The following OSBP2 variants were observed in gnomAD, a reference collection of about 807,000 sequenced individuals.
The protein encoded by OSBP2 is oxysterol-binding protein 2.
Under a neutral mutation model 96.0 loss-of-function variants are expected in OSBP2, and 66 were observed. The ratio of observed to expected loss-of-function variants is 0.69; its 90% confidence interval spans 0.56 to 0.84. The LOEUF (loss-of-function observed/expected upper bound fraction) is 0.84, where lower values mean the gene tolerates loss of function less well. Ranked by LOEUF, OSBP2 falls within the 40% of genes least tolerant of loss-of-function variation. The pLI, the probability that OSBP2 is intolerant of heterozygous loss-of-function variation, is 0.00. For missense variants in OSBP2, 1,038 were observed against 1,222.7 expected, an observed-to-expected ratio of 0.85 and a Z score of 2.25; for synonymous variants, 525 against 520.9, an observed-to-expected ratio of 1.01 and a Z score of -0.11.
chr22:30,754,772 T>A (rs534323511), intron 2 of OSBP2, among the ~76,000 whole-genome samples: 2 of 152,290 alleles, frequency 1.3e-5, no homozygotes, highest in South Asian at 4.1e-4. Context: ...ATGGACCTCC[T>A]GCTGCTGTGC....
At chr22:30,795,785 C>T (rs936003475) in intron 2 of OSBP2, among the ~76,000 whole-genome samples, 1 of 152,216 alleles carries the variant, frequency 6.6e-6, no homozygotes, top group Admixed American at 6.5e-5. Flanking sequence ...TCCCAAAGTG[C>T]TGGGATTACA....
chr22:30,881,923 G>T lies in OSBP2; in HGVS notation c.1108-5503G>T, dbSNP rs2039712168. ...AGCCACATGAGGCCTTTGATATTAG[G>T]GCACAGCAGTTTTCACCCTGCCCCG... On this transcript the variant is annotated intron_variant, in intron 3 of 13. Coordinates refer to ENST00000332585, the MANE Select transcript of OSBP2 (RefSeq NM_030758.4). This position sits in a 1 kb window ranked among gnomAD's most constrained non-coding sequence, Gnocchi z 4.5. The T allele has an allele frequency of 1.2e-6, 1 of 849,012 alleles. No individual in the cohort carries two copies. Among genetic ancestry groups the T allele is most frequent in the Non-Finnish European group, 1.7e-6 (1 of 604,430 alleles). The allele number at this position is 849,012 out of a possible 1,614,324, so 52.6% of individuals were successfully genotyped here. A position where few individuals can be genotyped will look rare whatever the true frequency, so the allele number is the denominator to read the frequency against.
chr22:30,815,461 T>C (rs1377328806), intron 2 of OSBP2, among the ~76,000 whole-genome samples: 1 of 152,224 alleles, frequency 6.6e-6, no homozygotes, highest in East Asian at 1.9e-4. Context: ...TTTCGCATAA[T>C]AATTCAATTA....
At chr22:30,706,392 A>G (rs1602147422) in intron 1 of OSBP2, among the ~76,000 whole-genome samples, 1 of 151,492 alleles carries the variant, frequency 6.6e-6, no homozygotes, top group Non-Finnish European at 1.5e-5. Flanking sequence ...GCTTCATTCC[A>G]TTTGGCATCT....
intron 8 of OSBP2, among the ~76,000 whole-genome samples, chr22:30,892,482 G>A (rs1010185160): frequency 2.0e-5 from 3 of 152,124 alleles, no homozygotes; most frequent in African/African-American, 7.2e-5. Flanking sequence ...GGCAGGGCTA[G>A]GCTAGGGCTG....
intron 2 of OSBP2, among the ~76,000 whole-genome samples, chr22:30,791,514 A>G (rs2090675618): frequency 6.6e-6 from 1 of 150,552 alleles, no homozygotes; most frequent in African/African-American, 2.4e-5. Flanking sequence ...TTTAGTAGAG[A>G]CACAGTTTCA....
intron 2 of OSBP2, among the ~76,000 whole-genome samples, chr22:30,865,058 C>A (rs1426167362): frequency 6.6e-6 from 1 of 152,198 alleles, no homozygotes; most frequent in East Asian, 1.9e-4. Flanking sequence ...GAAACTTGAT[C>A]TGTTTTCCTC....
chr22:30,806,753 G>A (rs2090934283), intron 2 of OSBP2, among the ~76,000 whole-genome samples: 1 of 152,090 alleles, frequency 6.6e-6, no homozygotes, highest in Non-Finnish European at 1.5e-5. Context: ...GGACCTCCAT[G>A]GACCCTAGAG....
chr22:30,771,219 C>G (rs896261590), intron 2 of OSBP2, among the ~76,000 whole-genome samples: 1 of 152,222 alleles, frequency 6.6e-6, no homozygotes, highest in Non-Finnish European at 1.5e-5. Context: ...TGCCCCCTTA[C>G]CTGTGTCTAG....
rs960833136 is a variant in OSBP2 at position 30,870,649 on chromosome 22, C to A, written c.1074C>A (p.Thr358=). The change falls in exon 3 of 14, where the codon ACC becomes ACA. Residue 358 remains threonine (T), a synonymous_variant. Transcript: ENST00000332585. The surrounding 1 kb of genome is among the most constrained non-coding windows in gnomAD (Gnocchi z 4.1). ...TGAAGGTGGTGAATGAGCGGGCCAC[C>A]CTCTTCCGCATCACATCCAATGCTA... is the stretch of plus-strand genomic sequence containing the variant. ...EKLKVVNERA[T]LFRITSNAMI... 1 of 1,613,840 alleles carries A rather than the reference C, an allele frequency of 6.2e-7. No individual in the cohort carries two copies. The highest frequency in any genetic ancestry group is 1.3e-5 in the African/African-American group (1 of 75,022).
intron 2 of OSBP2, among the ~76,000 whole-genome samples, chr22:30,785,979 T>G (rs1037723406): frequency 6.6e-6 from 1 of 151,958 alleles, no homozygotes; most frequent in African/African-American, 2.4e-5. Flanking sequence ...CAGTCTCAGG[T>G]AGTATCTTTA....
chr22:30,730,774 C>CTATATATATATATA (rs1206537838), intron 1 of OSBP2, among the ~76,000 whole-genome samples: 11 of 13,828 alleles, frequency 8.0e-4, no homozygotes, highest in Non-Finnish European at 1.1e-3. Flanking sequence ...CTCTCTCTCT[C>CTATATATATATATA]TATATATATA....
At chr22:30,898,157 A>ATATG (rs2040107601) in intron 12 of OSBP2, among the ~76,000 whole-genome samples, 1 of 152,092 alleles carries the variant, frequency 6.6e-6, no homozygotes, top group Non-Finnish European at 1.5e-5. Context: ...CCTGCGCAAC[A>ATATG]TAGTGAGACC....
At chr22:30,712,642 G>T (rs563160074) in intron 1 of OSBP2, among the ~76,000 whole-genome samples, 18 of 152,272 alleles carry the variant, frequency 1.2e-4, no homozygotes, top group African/African-American at 4.1e-4. Context: ...GAACTGGAGC[G>T]TCCAGGATCA....
At chr22:30,777,916 A>C (rs185320359) in intron 2 of OSBP2, among the ~76,000 whole-genome samples, 1 of 152,290 alleles carries the variant, frequency 6.6e-6, no homozygotes, top group Admixed American at 6.5e-5. Context: ...AATTGGTGAA[A>C]AAAATGATCC....
In OSBP2 at chr22:30,695,280, C is replaced by T. The variant is rs1210926528; in HGVS notation, c.371C>T (p.Ser124Leu). Reference protein sequence around the residue: ...VGAGPFTKAASEPLSRAVGSA... With the variant: ...VGAGPFTKAALEPLSRAVGSA... The stretch of plus-strand genomic sequence containing the variant: ...GCTGGGCCCTTCACTAAGGCCGCAT[C>T]GGAGCCGCTCTCCCGGGCGGTGGGG... Residue 124 changes from serine to leucine, a missense_variant, in exon 1 of 14, where the codon TCG becomes TTG. Ser to Leu is a moderately radical substitution (Grantham distance 145). Transcript: ENST00000332585. The T allele has an allele frequency of 3.7e-6, 6 of 1,613,358 alleles. No homozygotes were observed. Among genetic ancestry groups the T allele is most frequent in the Non-Finnish European group, 5.1e-6 (6 of 1,180,018 alleles).
chr22:30,807,896 C>T (rs1332264720), intron 2 of OSBP2, among the ~76,000 whole-genome samples: 2 of 152,212 alleles, frequency 1.3e-5, no homozygotes, highest in African/African-American at 2.4e-5. Flanking sequence ...AGTGATCCTC[C>T]TGCCTTAGCC....
chr22:30,744,488 A>G, intron 2 of OSBP2, among the ~76,000 whole-genome samples: 1 of 151,494 alleles, frequency 6.6e-6, no homozygotes. Flanking sequence ...ATCACCTGCT[A>G]CTCCCCAGCT....
chr22:30,899,230 TTTAA>T (rs1490403904), intron 12 of OSBP2, among the ~76,000 whole-genome samples: 7 of 151,800 alleles, frequency 4.6e-5, no homozygotes, highest in Admixed American at 4.6e-4. Flanking sequence ...AAAAAATTTT[TTTAA>T]TTAGCCATGT....
Sources: allele counts gnomAD v4.1 joint callset (sites outside exome capture counted in the v4.1 genomes callset), GRCh38; gene constraint gnomAD v4.1.1; non-coding constraint Gnocchi (gnomAD v3.1); transcripts MANE v1.5; gene names NCBI Gene and HGNC (gene_info 2026-07-23, HGNC 2026-07-21).